Variants in MIIP observed in about 807,000 individuals in gnomAD.
The protein encoded by MIIP is migration and invasion-inhibitory protein.
In MIIP, 44 loss-of-function variants were observed where a neutral mutation model predicts 44.8. That is an observed-to-expected ratio of 0.98 (90% CI 0.77 to 1.26). The LOEUF is 1.26. MIIP is among the 50% of genes most tolerant of loss of function. The pLI is 0.00. For missense variants in MIIP, 496 were observed against 511.7 expected (o/e 0.97, Z 0.30); for synonymous variants, 225 against 218.3 (o/e 1.03, Z -0.27).
At position 12,031,812 on chromosome 1, in the gene MIIP, CT is replaced by C. The variant is rs1294410545; in HGVS notation, c.*5del. 1 of 1,612,958 alleles carries C rather than the reference CT, an allele frequency of 6.2e-7. No individual in the cohort carries two copies. Among genetic ancestry groups the C allele is most frequent in the East Asian group, 2.2e-5 (1 of 44,880 alleles). ...CGTCCCACGGCAGAAGCCCTGAGGA[CT>C]GACTCCTGGGGGAGAACAGCATTCC... is the stretch of plus-strand genomic sequence containing the variant. On this transcript the variant is annotated 3_prime_UTR_variant, in exon 10 of 10. Transcript: ENST00000235332.
Position 12,029,821 on chromosome 1 carries a change from A to T in MIIP, c.772A>T (p.Thr258Ser), listed in dbSNP as rs748731371. The part of the protein sequence containing the change: ...RLFPVPVDPG[T>S]PCRLCRTPRD... The stretch of plus-strand genomic sequence containing the variant: ...GTTCCCGGTGCCTGTGGATCCCGGT[A>T]CCCCCTGCCGCCTGTGCAGGACACC... Residue 258 changes from threonine to serine, a missense_variant, in exon 7 of 10, where the codon ACC becomes TCC. Thr to Ser is a moderately conservative substitution (Grantham distance 58). Transcript: ENST00000235332. The T allele has an allele frequency of 3.1e-6, 5 of 1,612,780 alleles. No homozygotes were observed. Among genetic ancestry groups the T allele is most frequent in the Non-Finnish European group, 1.7e-6 (2 of 1,179,588 alleles).
rs147513513 is a variant in MIIP at position 12,025,028 on chromosome 1, C to CTT, written c.547+2121_547+2122dup. Among the ~76,000 whole-genome samples the CTT allele has an allele frequency of 3.3e-3, 411 of 123,790 alleles. 3 individuals carry two copies. The highest frequency in any genetic ancestry group is 4.8e-3 in the East Asian group (21 of 4,380). 81.2% of individuals were successfully genotyped at this position (123,790 alleles called of 152,430 possible). A position where few individuals can be genotyped will look rare whatever the true frequency, so the allele number is the denominator to read the frequency against. ...TGTACTGTGTGTCAGAATTCCCTTC[C>CTT]TTTTTTTTTTTGTTTTTTGTTTTTT... On this transcript the variant is annotated intron_variant, in intron 4 of 9. Transcript: ENST00000235332.
rs1454083954 is a variant in MIIP at position 12,030,106 on chromosome 1, C to T, written c.924C>T (p.Asp308=). The T allele has an allele frequency of 1.2e-6, 2 of 1,612,822 alleles. No homozygotes were observed. The highest frequency in any genetic ancestry group is 2.7e-5 in the African/African-American group (2 of 74,904). ...IHRRKSFDAS[D]TLALPRHCLL... is the part of the protein sequence containing the mutation. ...GGCGAAAGAGCTTTGACGCCTCTGA[C>T]ACACTGGCCCTGCCCCGGGTGAGCA... The change falls in exon 8 of 10, where the codon GAC becomes GAT. Residue 308 remains aspartate, a synonymous_variant. Coordinates refer to ENST00000235332, the MANE Select transcript of MIIP (RefSeq NM_021933.4).
chr1:12,030,081 G>T lies in MIIP; in HGVS notation c.899G>T (p.Arg300Leu). Reference protein sequence around the residue: ...LEPPHRYHIHRRKSFDASDTL... With the variant: ...LEPPHRYHIHLRKSFDASDTL... ...CCCCCGCACCGGTACCACATCCACC[G>T]GCGAAAGAGCTTTGACGCCTCTGAC... Residue 300 changes from arginine to leucine, a missense_variant, in exon 8 of 10, where the codon CGG (arginine) becomes CTG (leucine). Coordinates refer to ENST00000235332, the MANE Select transcript of MIIP (RefSeq NM_021933.4). 1 of 1,613,418 alleles carries T rather than the reference G, an allele frequency of 6.2e-7. No individual in the cohort carries two copies. Among genetic ancestry groups the T allele is most frequent in the Non-Finnish European group, 8.5e-7 (1 of 1,179,946 alleles).
chr1:12,031,242 C>G (rs777760165), intron 8 of MIIP, 24 bp from the exon 9 acceptor site: 2 of 1,608,330 alleles, frequency 1.2e-6, no homozygotes, highest in Non-Finnish European at 1.7e-6. Flanking sequence ...AGGTCAGGCA[C>G]TTTTAACTCC....
chr1:12,030,703 A>T (rs1369101345), intron 8 of MIIP, among the ~76,000 whole-genome samples: 1 of 144,806 alleles, frequency 6.9e-6, no homozygotes, highest in Non-Finnish European at 1.5e-5. Context: ...TGAACCTGGG[A>T]GGCAGAGGCT....
intron 2 of MIIP, 61 bp from the exon 3 acceptor site, chr1:12,022,034 C>T (rs1238046544): frequency 3.5e-5 from 54 of 1,545,474 alleles, no homozygotes; most frequent in South Asian, 1.7e-4. Flanking sequence ...TGGTGCCTGG[C>T]GTAGGCCCGG....
rs1640230076 is a variant in MIIP at position 12,031,066 on chromosome 1, G to T, written c.943-200G>T. ...ACCGTCCTATCCTCCTCCCATTTCA[G>T]CTCTCAGGGCCCCAGGGATGGCTGG... On this transcript the variant is annotated intron_variant, in intron 8 of 9. Coordinates refer to ENST00000235332, the MANE Select transcript of MIIP (RefSeq NM_021933.4). The T allele has an allele frequency of 4.8e-6, 3 of 626,784 alleles. No homozygotes were observed. In the African/African-American group the frequency reaches 5.5e-5, roughly 12 times the overall value. The allele number at this position is 626,784 out of a possible 1,614,324, so 38.8% of individuals were successfully genotyped here.
chr1:12,029,710 TG>T, intron 6 of MIIP, 54 bp from the exon 7 acceptor site: 1 of 1,584,314 alleles, frequency 6.3e-7, no homozygotes, highest in Non-Finnish European at 8.6e-7. Context: ...GCACGGAGCC[TG>T]GGGACCTGGG....
At chr1:12,020,688 T>C (rs977788579) in intron 1 of MIIP, among the ~76,000 whole-genome samples, 1 of 152,112 alleles carries the variant, frequency 6.6e-6, no homozygotes, top group Admixed American at 6.5e-5. Flanking sequence ...TTGTTTGTTG[T>C]TGTTGCTGTT....
chr1:12,019,611 T>G (rs1284937022), intron 1 of MIIP, 59 bp downstream of exon 1: 1 of 152,296 alleles, frequency 6.6e-6, no homozygotes, highest in Non-Finnish European at 1.5e-5. Context: ...AGGCCCCACG[T>G]GCATTCCCGC....
intron 6 of MIIP, 25 bp downstream of exon 6, chr1:12,029,306 C>T (rs761940991): frequency 1.4e-5 from 22 of 1,608,162 alleles, no homozygotes; most frequent in Middle Eastern, 1.7e-4. Flanking sequence ...TCGGCTAGGC[C>T]GCTGAGTAGT....
chr1:12,022,592 G>A, intron 3 of MIIP, 150 bp downstream of exon 3: 1 of 740,022 alleles, frequency 1.4e-6, no homozygotes, highest in Non-Finnish European at 2.2e-6. Flanking sequence ...CAGCCTAAAT[G>A]CTCGCTAGGT....
At position 12,031,980 on chromosome 1, in the gene MIIP, C is replaced by T; in HGVS notation, c.*172C>T. The T allele has an allele frequency of 1.6e-6, 1 of 638,304 alleles. No homozygotes were observed. The allele number at this position is 638,304 out of a possible 1,614,324, so 39.5% of individuals were successfully genotyped here. Reference sequence around the variant, plus strand: ...CTGCCTGAGTTCCAGAGAGGGAGGACCCTGGGGTGGAGGGTGAGGGATTCT... The same window carrying T: ...CTGCCTGAGTTCCAGAGAGGGAGGATCCTGGGGTGGAGGGTGAGGGATTCT... On this transcript the variant is annotated 3_prime_UTR_variant, in exon 10 of 10. Coordinates refer to ENST00000235332, the MANE Select transcript of MIIP (RefSeq NM_021933.4).
At position 12,031,313 on chromosome 1, in the gene MIIP, C is replaced by G; in HGVS notation, c.990C>G (p.Ser330Arg). Residue 330 changes from serine to arginine, a missense_variant, in exon 9 of 10, where the codon AGC (serine) becomes AGG (arginine). Ser to Arg is a moderately radical substitution (Grantham distance 110). Coordinates refer to ENST00000235332, the MANE Select transcript of MIIP (RefSeq NM_021933.4). Reference sequence around the variant, plus strand: ...TTTTTCCTCCGAAGTCTGAGAAAAGCTCAGCCCCCAGGAACCTGGACCTCT... The same window carrying G: ...TTTTTCCTCCGAAGTCTGAGAAAAGGTCAGCCCCCAGGAACCTGGACCTCT... ...WDIFPPKSEK[S>R]SAPRNLDLWS... 1 of 1,614,002 alleles carries G rather than the reference C, an allele frequency of 6.2e-7. No individual in the cohort carries two copies. Among genetic ancestry groups the G allele is most frequent in the Non-Finnish European group, 8.5e-7 (1 of 1,179,922 alleles).
At position 12,029,203 on chromosome 1, in the gene MIIP, C is replaced by T. The variant is rs1640171019; in HGVS notation, c.657-20C>T. The T allele has an allele frequency of 6.2e-7, 1 of 1,613,500 alleles. No homozygotes were observed. The highest frequency in any genetic ancestry group is 1.3e-5 in the African/African-American group (1 of 74,950). ...GAGCGGCTCCATCCCCCGGCCTGCTCATCCCCCTCGCCCTCTCAGACCCCA... is the reference window on the plus strand; with the variant it reads ...GAGCGGCTCCATCCCCCGGCCTGCTTATCCCCCTCGCCCTCTCAGACCCCA... On this transcript the variant is annotated intron_variant, in intron 5 of 9. Transcript: ENST00000235332.
In MIIP at chr1:12,029,766, C is replaced by T. The variant is rs756831588; in HGVS notation, c.717C>T (p.Cys239=). The change falls in exon 7 of 10, where the codon TGC becomes TGT. Residue 239 remains cysteine, a splice_region_variant and synonymous_variant. Coordinates refer to ENST00000235332, the MANE Select transcript of MIIP (RefSeq NM_021933.4). ...SGSGVEEDHE[C]VYCYRVNRRL... ...TGTGGCTTCTCATGGGCCTCGCAGG[C>T]GTGTACTGTTACCGTGTCAACCGGC... 123 of 1,612,110 alleles carry T rather than the reference C, an allele frequency of 7.6e-5. 1 individual carries two copies. Among genetic ancestry groups the T allele is most frequent in the Middle Eastern group, 3.3e-4 (2 of 6,038 alleles).
At chr1:12,029,190 C>T (rs925515656) in intron 5 of MIIP, 33 bp from the exon 6 acceptor site, 7 of 1,613,144 alleles carry the variant, frequency 4.3e-6, no homozygotes, top group Admixed American at 3.3e-5. Flanking sequence ...GCGGCTCCAT[C>T]CCCCGGCCTG....
rs1238948509 is a variant in MIIP at position 12,021,659 on chromosome 1, C to A, written c.-68C>A. ...CTTGACTTCAGGTAGAAGAGCTGGGCCTGGAACCCAGCCCTGAGGACATCC... is the reference window on the plus strand; with the variant it reads ...CTTGACTTCAGGTAGAAGAGCTGGGACTGGAACCCAGCCCTGAGGACATCC... On this transcript the variant is annotated 5_prime_UTR_variant, in exon 2 of 10. Coordinates refer to ENST00000235332, the MANE Select transcript of MIIP (RefSeq NM_021933.4). 5 of 1,415,812 alleles carry A rather than the reference C, an allele frequency of 3.5e-6. No homozygotes were observed. The highest frequency in any genetic ancestry group is 2.3e-5 in the East Asian group (1 of 42,760). 87.7% of individuals were successfully genotyped at this position (1,415,812 alleles called of 1,614,324 possible). A position where few individuals can be genotyped will look rare whatever the true frequency, so the allele number is the denominator to read the frequency against.
Sources: gnomAD v4.1 joint callset for allele counts (sites outside exome capture counted in the v4.1 genomes callset) on GRCh38, gnomAD v4.1.1 for gene constraint, MANE v1.5 for transcripts, NCBI Gene and HGNC (gene_info 2026-07-23, HGNC 2026-07-21) for gene names.